Variants in ABCA12 observed in about 807,000 individuals in gnomAD.
The protein encoded by ABCA12 is glucosylceramide transporter ABCA12.
ABCA12 carries 156 observed loss-of-function variants against 293.5 expected under a neutral mutation model. That is an observed-to-expected ratio of 0.53 (90% confidence interval 0.47 to 0.61). The LOEUF is 0.61. Ranked by LOEUF, ABCA12 falls within the 20% of genes least tolerant of loss-of-function variation. The pLI is 0.00. For missense variants in ABCA12, 2,797 were observed against 3,090.2 expected, an observed-to-expected ratio of 0.91 and a Z score of 2.25; for synonymous variants, 1,063 against 1,108.0, an observed-to-expected ratio of 0.96 and a Z score of 0.81.
chr2:215,097,547 C>T (rs1410824341), intron 2 of ABCA12, among the ~76,000 whole-genome samples: 1 of 152,080 alleles, frequency 6.6e-6, no homozygotes. Context: ...CAGCTGGGTG[C>T]TAGAAATCTA....
intron 2 of ABCA12, among the ~76,000 whole-genome samples, chr2:215,081,787 A>G (rs1288292519): frequency 1.3e-5 from 2 of 152,132 alleles, no homozygotes; most frequent in African/African-American, 4.8e-5. Flanking sequence ...GAATGTCAGG[A>G]CAGGGAACAG....
At chr2:215,117,130 T>C (rs1450387405) in intron 1 of ABCA12, among the ~76,000 whole-genome samples, 1 of 152,246 alleles carries the variant, frequency 6.6e-6, no homozygotes, top group Non-Finnish European at 1.5e-5. Context: ...ATTTGTGCTG[T>C]TCTTGCAACA....
chr2:215,098,166 C>A (rs1023057488), intron 2 of ABCA12, among the ~76,000 whole-genome samples: 2 of 152,176 alleles, frequency 1.3e-5, no homozygotes, highest in African/African-American at 4.8e-5. Flanking sequence ...TCATTTGTTT[C>A]TCTTTGCGGT....
intron 6 of ABCA12, 122 bp downstream of exon 6, chr2:215,049,504 T>C (rs1007456694): frequency 6.3e-6 from 6 of 952,118 alleles, no homozygotes; most frequent in African/African-American, 1.6e-5. Flanking sequence ...CAAATGTCTA[T>C]GTGAGGAAAA....
intron 36 of ABCA12, among the ~76,000 whole-genome samples, chr2:214,972,383 T>G (rs1383699367): frequency 6.6e-6 from 1 of 152,142 alleles, no homozygotes; most frequent in Admixed American, 6.5e-5. Context: ...TGGAAAAAAT[T>G]GAAGATCTAC....
At position 214,976,863 on chromosome 2, in the gene ABCA12, C is replaced by T. The variant is rs749659319; in HGVS notation, c.5129-826G>A. Among the ~76,000 whole-genome samples the T allele has an allele frequency of 3.4e-3, 524 of 152,262 alleles. 2 individuals carry two copies. Among genetic ancestry groups the T allele is most frequent in the Middle Eastern group, 0.014 (4 of 294 alleles). ...ATAATTTCAGCACTCCCTCTAAAAA[C>T]AGGTTCAAATATAGCATTCTCTCCG... On this transcript the variant is annotated intron_variant, in intron 33 of 52. Coordinates refer to ENST00000272895, the MANE Select transcript of ABCA12 (RefSeq NM_173076.3).
At chr2:214,942,478 G>A (rs1382257859) in intron 50 of ABCA12, among the ~76,000 whole-genome samples, 1 of 152,070 alleles carries the variant, frequency 6.6e-6, no homozygotes, top group Non-Finnish European at 1.5e-5. Flanking sequence ...TGATTAAAAG[G>A]TTTTGAATGT....
At chr2:215,003,657 T>C (rs1410937424) in intron 20 of ABCA12, among the ~76,000 whole-genome samples, 1 of 126,172 alleles carries the variant, frequency 7.9e-6, no homozygotes, top group Non-Finnish European at 1.6e-5. Flanking sequence ...TATTACATTA[T>C]TATAATAATA....
chr2:215,004,405 T>TG, intron 19 of ABCA12, 106 bp from the exon 20 acceptor site: 1 of 780,950 alleles, frequency 1.3e-6, no homozygotes, highest in Non-Finnish European at 2.2e-6. Flanking sequence ...AACTGGGCAT[T>TG]ATCAATGCAC....
chr2:215,033,535 T>A (rs1300780055), intron 8 of ABCA12, among the ~76,000 whole-genome samples: 1 of 152,144 alleles, frequency 6.6e-6, no homozygotes, highest in Non-Finnish European at 1.5e-5. Context: ...GACTATAAAG[T>A]ATATTGAGAG....
chr2:215,115,858 A>T (rs2106133243), intron 1 of ABCA12, among the ~76,000 whole-genome samples: 1 of 152,346 alleles, frequency 6.6e-6, no homozygotes, highest in Middle Eastern at 3.4e-3. Flanking sequence ...AAGGGTGAAG[A>T]GGACATGGGC....
At position 215,097,718 on chromosome 2, in the gene ABCA12, ATTG is replaced by A. The variant is rs1234260672; in HGVS notation, c.163+13876_163+13878del. On this transcript the variant is annotated intron_variant, in intron 2 of 52. Transcript: ENST00000272895. ...AACATTGCAGAAAAACTGATTGCTT[ATTG>A]TTCTGGGAGTTTGGCTACATTAATA... Among the ~76,000 whole-genome samples the A allele has an allele frequency of 1.1e-4, 17 of 152,280 alleles. No homozygotes were observed. The South Asian group carries it at 3.1e-3, about 28-fold the overall frequency.
intron 48 of ABCA12, among the ~76,000 whole-genome samples, chr2:214,946,173 T>C (rs907866560): frequency 6.6e-6 from 1 of 152,136 alleles, no homozygotes; most frequent in Non-Finnish European, 1.5e-5. Context: ...AATCAAAATA[T>C]CACACTGTAC....
chr2:215,031,598 GA>G (rs1177540053), intron 9 of ABCA12, among the ~76,000 whole-genome samples: 6 of 152,152 alleles, frequency 3.9e-5, no homozygotes, highest in African/African-American at 1.4e-4. Context: ...GCTCAGAACT[GA>G]AAAAGAGATT....
chr2:215,138,147 CTTT>C lies in ABCA12; in HGVS notation c.59_61del (p.Lys20del). 1.9e-6 allele frequency: 3 copies of C among 1,614,086 alleles called. No individual in the cohort carries two copies. The highest frequency in any genetic ancestry group is 2.5e-6 in the Non-Finnish European group (3 of 1,180,000). ...CACTTTTTTTTAACTCACCGGCTGC[CTTT>C]TTACACCTAGCCAATTTTTCCAGAC... On this transcript the variant is annotated inframe_deletion, in exon 1 of 53. Coordinates refer to ENST00000272895, the MANE Select transcript of ABCA12 (RefSeq NM_173076.3).
chr2:214,942,306 G>GCTAT (rs1249593479), intron 50 of ABCA12, among the ~76,000 whole-genome samples: 2 of 152,094 alleles, frequency 1.3e-5, no homozygotes, highest in Admixed American at 1.3e-4. Flanking sequence ...CTTGGTTAAT[G>GCTAT]CTATCTTGCA....
intron 49 of ABCA12, among the ~76,000 whole-genome samples, chr2:214,943,227 T>C (rs1402118154): frequency 6.6e-6 from 1 of 152,294 alleles, no homozygotes; most frequent in East Asian, 1.9e-4. Flanking sequence ...AGCCTTGACC[T>C]CCTTTGCTCT....
At position 215,138,275 on chromosome 2, in the gene ABCA12, C is replaced by G; in HGVS notation, c.-67G>C. ...CACTCCACAAATGAAGAACTGATGC[C>G]CCGTCCAACTTGCTGTATGTCAGTG... On this transcript the variant is annotated 5_prime_UTR_variant, in exon 1 of 53. Coordinates refer to ENST00000272895, the MANE Select transcript of ABCA12 (RefSeq NM_173076.3). The G allele has an allele frequency of 6.5e-7, 1 of 1,545,254 alleles. No homozygotes were observed. Among genetic ancestry groups the G allele is most frequent in the Non-Finnish European group, 8.9e-7 (1 of 1,117,480 alleles).
At chr2:215,052,446 T>C in intron 5 of ABCA12, 41 bp downstream of exon 5, 2 of 1,520,402 alleles carry the variant, frequency 1.3e-6, no homozygotes, top group Non-Finnish European at 1.8e-6. Context: ...AAAAGGCCTA[T>C]GTTGAATCAC....
Sources: allele counts gnomAD v4.1 joint callset (sites outside exome capture counted in the v4.1 genomes callset), GRCh38; gene constraint gnomAD v4.1.1; transcripts MANE v1.5; gene names NCBI Gene and HGNC (gene_info 2026-07-23, HGNC 2026-07-21).